The following PDZRN4 variants were observed in gnomAD, a reference collection of about 807,000 sequenced individuals.
PDZRN4 encodes the protein PDZ domain-containing RING finger protein 4.
PDZRN4 carries 70 observed loss-of-function variants against 99.0 expected under a neutral mutation model. The ratio of observed to expected loss-of-function variants is 0.71; its 90% CI spans 0.58 to 0.86. The LOEUF is 0.86. Ranked by LOEUF, PDZRN4 falls within the 40% of genes least tolerant of loss-of-function variation. The pLI, the probability that PDZRN4 is intolerant of heterozygous loss-of-function variation, is 0.00. For synonymous variants in PDZRN4, 551 were observed against 501.6 expected, an observed-to-expected ratio of 1.10 and a Z score of -1.32; for missense variants, 1,474 against 1,331.2, an observed-to-expected ratio of 1.11 and a Z score of -1.67.
chr12:41,247,884 A>G (rs896073822), intron 3 of PDZRN4, among the ~76,000 whole-genome samples: 21 of 152,332 alleles, frequency 1.4e-4, no homozygotes, highest in Middle Eastern at 6.8e-3. Context: ...ATTTAAGTTA[A>G]TATACTTGGG....
chr12:41,454,522 C>G (rs74440626), intron 3 of PDZRN4, among the ~76,000 whole-genome samples: 1 of 152,152 alleles, frequency 6.6e-6, no homozygotes, highest in African/African-American at 2.4e-5. Context: ...TATTCCCTTG[C>G]GGGAGATTGA....
At chr12:41,518,635 C>T (rs1008942494) in intron 5 of PDZRN4, among the ~76,000 whole-genome samples, 3 of 151,988 alleles carry the variant, frequency 2.0e-5, no homozygotes, top group Non-Finnish European at 2.9e-5. Flanking sequence ...ATTATTCTTA[C>T]AAGCAATATA....
intron 3 of PDZRN4, among the ~76,000 whole-genome samples, chr12:41,380,250 C>T (rs1273569737): frequency 1.3e-5 from 2 of 151,886 alleles, no homozygotes; most frequent in Admixed American, 6.6e-5. Context: ...CAAAATGAGT[C>T]TTTTGTGGGC....
intron 5 of PDZRN4, among the ~76,000 whole-genome samples, chr12:41,519,110 G>GA (rs951460063): frequency 1.1e-4 from 17 of 151,336 alleles, no homozygotes; most frequent in South Asian, 4.2e-4. Context: ...GCATAAGGTT[G>GA]AAAAAAAACA....
rs77260537 is a variant in PDZRN4 at position 41,436,464 on chromosome 12, G to A, written c.844-69992G>A. Among the ~76,000 whole-genome samples the A allele has an allele frequency of 2.4e-3, 358 of 152,238 alleles. 4 individuals carry two copies. Among genetic ancestry groups the A allele is most frequent in the Non-Finnish European group, 4.5e-3 (306 of 68,016 alleles). On this transcript the variant is annotated intron_variant, in intron 3 of 9. Coordinates refer to ENST00000402685, the MANE Select transcript of PDZRN4 (RefSeq NM_001164595.2). The stretch of plus-strand genomic sequence containing the variant: ...ACTGGACCCCAAAACGTAGCTATTC[G>A]TCAGTGATAAGCAATTAAAAATCTC...
At position 41,573,106 on chromosome 12, in the gene PDZRN4, T is replaced by C. The variant is rs1275585278; in HGVS notation, c.2327T>C (p.Met776Thr). 1.9e-6 allele frequency: 3 copies of C among 1,614,052 alleles called. No homozygotes were observed. Among genetic ancestry groups the C allele is most frequent in the East Asian group, 2.2e-5 (1 of 44,878 alleles). Residue 776 changes from methionine to threonine, a missense_variant, in exon 10 of 10, where the codon ATG becomes ACG. Transcript: ENST00000402685. Reference protein sequence around the residue: ...LTNKKNLRSTMAATQSSSGQS... With the variant: ...LTNKKNLRSTTAATQSSSGQS... ...AATAAGAAAAACCTGAGAAGCACAA[T>C]GGCAGCCACCCAGTCCTCTTCCGGA...
intron 3 of PDZRN4, among the ~76,000 whole-genome samples, chr12:41,389,392 C>G (rs933203402): frequency 5.3e-5 from 8 of 152,080 alleles, no homozygotes; most frequent in African/African-American, 1.9e-4. Context: ...AAAAGATGAT[C>G]TGCAAATGTA....
intron 3 of PDZRN4, among the ~76,000 whole-genome samples, chr12:41,267,521 G>T (rs2120849238): frequency 6.6e-6 from 1 of 152,120 alleles, no homozygotes; most frequent in South Asian, 2.1e-4. Context: ...GATAAAAATT[G>T]GAGTTGCAAT....
intron 3 of PDZRN4, among the ~76,000 whole-genome samples, chr12:41,244,682 T>C (rs1951122395): frequency 3.6e-5 from 1 of 27,408 alleles, no homozygotes; most frequent in Non-Finnish European, 9.2e-5. Context: ...TTTTTTTTTT[T>C]TTTTTTTCTT....
intron 3 of PDZRN4, chr12:41,411,977 T>C (rs991615246): frequency 5.9e-5 from 9 of 152,222 alleles, no homozygotes; most frequent in Admixed American, 5.2e-4. Context: ...GTGTCTGCTA[T>C]ACATTTATAT....
At chr12:41,352,444 C>T (rs560175572) in intron 3 of PDZRN4, among the ~76,000 whole-genome samples, 5 of 152,158 alleles carry the variant, frequency 3.3e-5, no homozygotes, top group African/African-American at 9.6e-5. Context: ...GGATAAGATA[C>T]CTTGAGTTCT....
intron 3 of PDZRN4, among the ~76,000 whole-genome samples, chr12:41,335,911 G>C (rs538207700): frequency 7.2e-5 from 11 of 152,054 alleles, no homozygotes; most frequent in Non-Finnish European, 1.3e-4. Context: ...AACTATAAAA[G>C]GTCAGTGCAC....
At chr12:41,423,601 G>T (rs1952509933) in intron 3 of PDZRN4, among the ~76,000 whole-genome samples, 1 of 151,954 alleles carries the variant, frequency 6.6e-6, no homozygotes, top group African/African-American at 2.4e-5. Flanking sequence ...CCTATAACAG[G>T]CATACTGTCA....
intron 3 of PDZRN4, among the ~76,000 whole-genome samples, chr12:41,314,107 A>C (rs1035881149): frequency 6.6e-6 from 1 of 152,220 alleles, no homozygotes; most frequent in Non-Finnish European, 1.5e-5. Flanking sequence ...CAAGCTCCAG[A>C]AATGAATTCA....
chr12:41,539,107 A>G (rs577657382), intron 5 of PDZRN4, among the ~76,000 whole-genome samples: 80 of 152,030 alleles, frequency 5.3e-4, no homozygotes, highest in African/African-American at 1.9e-3. Flanking sequence ...GTATATATAT[A>G]TATTATGCGT....
chr12:41,469,895 A>C (rs1462470235), intron 3 of PDZRN4, among the ~76,000 whole-genome samples: 3 of 152,162 alleles, frequency 2.0e-5, no homozygotes, highest in Non-Finnish European at 4.4e-5. Flanking sequence ...ACGCCACTGC[A>C]CTCCAGCCTG....
At chr12:41,315,498 G>A (rs766808014) in intron 3 of PDZRN4, among the ~76,000 whole-genome samples, 84 of 152,158 alleles carry the variant, frequency 5.5e-4, no homozygotes, top group Non-Finnish European at 9.3e-4. Flanking sequence ...AAATTAATAT[G>A]AGCATAAAGA....
intron 5 of PDZRN4, among the ~76,000 whole-genome samples, chr12:41,525,182 G>A (rs1216690041): frequency 1.3e-5 from 2 of 152,094 alleles, no homozygotes; most frequent in Non-Finnish European, 2.9e-5. Context: ...CACTCAGGGA[G>A]ATACCAGGCC....
At chr12:41,320,364 A>G (rs536403169) in intron 3 of PDZRN4, among the ~76,000 whole-genome samples, 1 of 152,270 alleles carries the variant, frequency 6.6e-6, no homozygotes, top group Non-Finnish European at 1.5e-5. Context: ...AATAGATTCC[A>G]CTTGTTTTCA....
Sources: allele counts gnomAD v4.1 joint callset (sites outside exome capture counted in the v4.1 genomes callset), GRCh38; gene constraint gnomAD v4.1.1; transcripts MANE v1.5; gene names NCBI Gene and HGNC (gene_info 2026-07-23, HGNC 2026-07-21).